The following DTNA variants were observed in gnomAD, a reference collection of about 807,000 sequenced individuals.
The protein encoded by DTNA is dystrobrevin alpha, also known as dystrophin-related protein 3.
A neutral mutation model predicts 100.7 loss-of-function variants in DTNA; 43 were observed. The observed-to-expected ratio is 0.43, with a 90% CI of 0.33 to 0.55. The LOEUF is 0.55. DTNA is among the 20% of genes least tolerant of loss of function. DTNA has a pLI of 0.04. For synonymous variants in DTNA, 349 were observed against 347.9 expected, an observed-to-expected ratio of 1.00 and a Z score of -0.04; for missense variants, 798 against 953.9, an observed-to-expected ratio of 0.84 and a Z score of 2.15.
At chr18:34,517,477 G>GTGTGTGTGTGTGT (rs1282925948) in intron 1 of DTNA, among the ~76,000 whole-genome samples, 1 of 151,870 alleles carries the variant, frequency 6.6e-6, no homozygotes, top group Non-Finnish European at 1.5e-5. Flanking sequence ...GTGTGTGTGT[G>GTGTGTGTGTGTGT]TGTGTGTGTG....
chr18:34,581,173 G>A (rs868845323), intron 1 of DTNA, among the ~76,000 whole-genome samples: 4 of 152,306 alleles, frequency 2.6e-5, no homozygotes, highest in Non-Finnish European at 4.4e-5. Context: ...GCGTGAACCC[G>A]GGAGGTGGAG....
intron 1 of DTNA, among the ~76,000 whole-genome samples, chr18:34,618,312 G>A (rs1188897841): frequency 6.6e-6 from 1 of 152,114 alleles, no homozygotes; most frequent in Admixed American, 6.6e-5. Flanking sequence ...TTCAATATTT[G>A]TAGACAATAG....
intron 1 of DTNA, among the ~76,000 whole-genome samples, chr18:34,624,521 T>C (rs1281623107): frequency 6.6e-6 from 1 of 152,190 alleles, no homozygotes; most frequent in Non-Finnish European, 1.5e-5. Flanking sequence ...CATTTTCTTC[T>C]CACATGCCAA....
At chr18:34,581,139 TG>T (rs1011263364) in intron 1 of DTNA, among the ~76,000 whole-genome samples, 3 of 152,074 alleles carry the variant, frequency 2.0e-5, no homozygotes, top group East Asian at 3.9e-4. Context: ...TCCCAGCTGC[TG>T]GGGAGACTGA....
intron 1 of DTNA, among the ~76,000 whole-genome samples, chr18:34,715,803 T>C (rs1275208163): frequency 1.3e-5 from 2 of 152,132 alleles, no homozygotes; most frequent in Non-Finnish European, 2.9e-5. Context: ...TTGCAACATA[T>C]ATGAAAGAGA....
At chr18:34,841,623 G>T (rs1247389943) in intron 13 of DTNA, among the ~76,000 whole-genome samples, 1 of 152,146 alleles carries the variant, frequency 6.6e-6, no homozygotes, top group African/African-American at 2.4e-5. Context: ...CATAGTCCTA[G>T]AAGGTTGGAT....
intron 1 of DTNA, among the ~76,000 whole-genome samples, chr18:34,624,775 A>G (rs1181217619): frequency 6.6e-6 from 1 of 152,230 alleles, no homozygotes; most frequent in Non-Finnish European, 1.5e-5. Flanking sequence ...AACAGCTGTG[A>G]TAAGTGCTTT....
At chr18:34,714,652 C>T (rs1330419752) in intron 1 of DTNA, among the ~76,000 whole-genome samples, 1 of 151,616 alleles carries the variant, frequency 6.6e-6, no homozygotes, top group Non-Finnish European at 1.5e-5. Context: ...TAAACTAGTT[C>T]AACCATTGTG....
At chr18:34,744,722 T>G (rs1033415635) in intron 1 of DTNA, among the ~76,000 whole-genome samples, 3 of 152,130 alleles carry the variant, frequency 2.0e-5, no homozygotes, top group Admixed American at 1.3e-4. Flanking sequence ...GCACAACCCG[T>G]GAACTCCATC....
chr18:34,746,530 C>A (rs149545231), intron 1 of DTNA, among the ~76,000 whole-genome samples: 1 of 152,018 alleles, frequency 6.6e-6, no homozygotes, highest in Non-Finnish European at 1.5e-5. Flanking sequence ...GTCATTCTGC[C>A]AAGATACATC....
Position 34,749,539 on chromosome 18 carries a change from C to T in DTNA, c.-1-6437C>T, listed in dbSNP as rs186985270. On this transcript the variant is annotated intron_variant, in intron 1 of 22. Transcript: ENST00000444659. The stretch of plus-strand genomic sequence containing the variant: ...GGCTAGCGTGAGAGGCAGTCATAGC[C>T]GAGAACTACTATGCTGGACACTTGA... 1.5e-3 allele frequency among the ~76,000 whole-genome samples: 230 copies of T among 151,914 alleles called. 1 individual carries two copies. The highest frequency in any genetic ancestry group is 5.1e-3 in the African/African-American group (212 of 41,448).
intron 9 of DTNA, 69 bp downstream of exon 9, chr18:34,820,984 A>G: frequency 6.2e-7 from 1 of 1,609,514 alleles, no homozygotes; most frequent in East Asian, 2.2e-5. Flanking sequence ...GCCACACAAA[A>G]GCAATTTCCT....
At chr18:34,600,611 A>G (rs1168368839) in intron 1 of DTNA, among the ~76,000 whole-genome samples, 1 of 152,220 alleles carries the variant, frequency 6.6e-6, no homozygotes, top group African/African-American at 2.4e-5. Context: ...ATTTCTACAT[A>G]TTTGAAGAAT....
chr18:34,722,058 T>C (rs8087814), intron 1 of DTNA, among the ~76,000 whole-genome samples: 168 of 152,134 alleles, frequency 1.1e-3, no homozygotes, highest in Admixed American at 2.2e-3. Context: ...CTAAAATGTT[T>C]AAAAAAAGTC....
intron 1 of DTNA, among the ~76,000 whole-genome samples, chr18:34,494,357 C>T (rs2038934050): frequency 8.8e-6 from 1 of 113,254 alleles, no homozygotes; most frequent in Non-Finnish European, 1.9e-5. Flanking sequence ...GCTCCGGGCC[C>T]CGGGGACGGG....
intron 3 of DTNA, among the ~76,000 whole-genome samples, chr18:34,768,304 G>GC (rs964469775): frequency 6.4e-5 from 9 of 140,292 alleles, no homozygotes; most frequent in Admixed American, 1.4e-4. Flanking sequence ...AAGAAGGAAC[G>GC]CCCCCCCAAA....
At chr18:34,760,817 A>G (rs1289807182) in intron 2 of DTNA, among the ~76,000 whole-genome samples, 29 of 152,210 alleles carry the variant, frequency 1.9e-4, no homozygotes, top group Admixed American at 1.9e-3. Flanking sequence ...AGTCACGCAC[A>G]CTACTACATT....
At chr18:34,539,170 G>T (rs368724281) in intron 1 of DTNA, among the ~76,000 whole-genome samples, 1 of 151,792 alleles carries the variant, frequency 6.6e-6, no homozygotes, top group African/African-American at 2.4e-5. Context: ...ACAGCACACT[G>T]ATCTCTTAAT....
intron 1 of DTNA, among the ~76,000 whole-genome samples, chr18:34,496,628 C>T (rs1483048430): frequency 6.6e-6 from 1 of 152,132 alleles, no homozygotes; most frequent in Non-Finnish European, 1.5e-5. Flanking sequence ...CAATAGTGAG[C>T]AGAAAGATCT....
Sources: allele counts gnomAD v4.1 joint callset (sites outside exome capture counted in the v4.1 genomes callset), GRCh38; gene constraint gnomAD v4.1.1; transcripts MANE v1.5; gene names NCBI Gene and HGNC (gene_info 2026-07-23, HGNC 2026-07-21).